The following CNTN5 variants were observed in gnomAD, a reference collection of about 807,000 sequenced individuals.
The protein encoded by CNTN5 is contactin 5.
CNTN5 carries 77 observed loss-of-function variants against 129.1 expected under a neutral mutation model. That is an observed-to-expected ratio of 0.60 (90% CI 0.50 to 0.72). The LOEUF is 0.72. CNTN5 is among the 30% of genes least tolerant of loss of function. The probability of loss-of-function intolerance (pLI) is 0.00; values close to 1 mark genes in which losing one functional copy is unlikely to be tolerated. For synonymous variants in CNTN5, 509 were observed against 465.6 expected (o/e 1.09, Z -1.20); for missense variants, 1,478 against 1,328.8 (o/e 1.11, Z -1.75).
chr11:99,304,491 G>A (rs1864785811), intron 1 of CNTN5, among the ~76,000 whole-genome samples: 1 of 152,088 alleles, frequency 6.6e-6, no homozygotes, highest in Non-Finnish European at 1.5e-5. Context: ...CAAACTCCTT[G>A]CAAAAATGTT....
At chr11:99,576,871 C>A (rs536310156) in intron 3 of CNTN5, among the ~76,000 whole-genome samples, 1 of 152,176 alleles carries the variant, frequency 6.6e-6, no homozygotes, top group African/African-American at 2.4e-5. Flanking sequence ...ATCACCTCCC[C>A]AAAGTTCTCA....
chr11:99,976,593 G>T (rs1444853899), intron 8 of CNTN5, among the ~76,000 whole-genome samples: 1 of 152,192 alleles, frequency 6.6e-6, no homozygotes, highest in African/African-American at 2.4e-5. Flanking sequence ...AACCACCAAG[G>T]CTTGGGGCTT....
chr11:99,282,080 C>T (rs1863723689), intron 1 of CNTN5, among the ~76,000 whole-genome samples: 1 of 152,014 alleles, frequency 6.6e-6, no homozygotes, highest in African/African-American at 2.4e-5. Context: ...AACAGGTCCC[C>T]GTTGGTATTG....
chr11:100,308,979 G>A (rs1951413555), intron 21 of CNTN5: 1 of 984,954 alleles, frequency 1.0e-6, no homozygotes, highest in Non-Finnish European at 1.2e-6. Flanking sequence ...GCCTTATAAT[G>A]GTGAACATTT....
intron 3 of CNTN5, among the ~76,000 whole-genome samples, chr11:99,655,226 T>C (rs1591431115): frequency 6.6e-6 from 1 of 152,088 alleles, no homozygotes; most frequent in African/African-American, 2.4e-5. Flanking sequence ...AAATCAATTA[T>C]TAAACAGTCT....
intron 2 of CNTN5, among the ~76,000 whole-genome samples, chr11:99,419,197 C>CTG (rs1942785418): frequency 6.6e-6 from 1 of 152,102 alleles, no homozygotes; most frequent in Non-Finnish European, 1.5e-5. Context: ...TACCTGAGCA[C>CTG]AACAGCACTG....
chr11:99,400,726 T>A (rs1033745442), intron 2 of CNTN5, among the ~76,000 whole-genome samples: 40 of 152,134 alleles, frequency 2.6e-4, no homozygotes, highest in Admixed American at 2.6e-4. Context: ...TTTCTCCACA[T>A]CCTCACCAGC....
rs889322330 is a variant in CNTN5, at chr11:99,678,967, CTA to C, written c.55+122711_55+122712del. The stretch of plus-strand genomic sequence containing the variant: ...TATCTGCTATTCACTCTCTCTCTCT[CTA>C]TATATATATATAAAATTCCATAAAT... On this transcript the variant is annotated intron_variant, in intron 3 of 24. Coordinates refer to ENST00000524871, the MANE Select transcript of CNTN5 (RefSeq NM_014361.4). Among the ~76,000 whole-genome samples the C allele has an allele frequency of 1.6e-3, 231 of 144,396 alleles. 1 individual carries two copies. Among genetic ancestry groups the C allele is most frequent in the African/African-American group, 4.7e-3 (184 of 38,990 alleles). The allele number at this position is 144,396 out of a possible 152,430, so 94.7% of individuals were successfully genotyped here. A position where few individuals can be genotyped will look rare whatever the true frequency, so the allele number is the denominator to read the frequency against.
intron 3 of CNTN5, among the ~76,000 whole-genome samples, chr11:99,804,545 C>T (rs1190512331): frequency 2.1e-5 from 3 of 144,268 alleles, no homozygotes; most frequent in African/African-American, 4.9e-5. Flanking sequence ...AAAAAAAAAA[C>T]TCAGTAAAGT....
At chr11:99,035,594 C>T (rs1591080723) in intron 1 of CNTN5, among the ~76,000 whole-genome samples, 2 of 145,536 alleles carry the variant, frequency 1.4e-5, no homozygotes, top group East Asian at 4.4e-4. Flanking sequence ...GATTGCAACC[C>T]CTGCCTTTTT....
At chr11:99,596,792 C>T (rs1347477392) in intron 3 of CNTN5, among the ~76,000 whole-genome samples, 1 of 152,096 alleles carries the variant, frequency 6.6e-6, no homozygotes, top group Non-Finnish European at 1.5e-5. Flanking sequence ...GGCTATAAAA[C>T]TAAAGATGTC....
rs34146715 is a variant in CNTN5 at position 99,450,768 on chromosome 11, G to GTT, written c.-70-105356_-70-105355dup. ...GATAGGTGCTCTTGCATTGAAGCAAGTTTTTTTTTTTTTTTTTTTTTTGCT... is the reference window on the plus strand; with the variant it reads ...GATAGGTGCTCTTGCATTGAAGCAAGTTTTTTTTTTTTTTTTTTTTTTTTGCT... On this transcript the variant is annotated intron_variant, in intron 2 of 24. Coordinates refer to ENST00000524871, the MANE Select transcript of CNTN5 (RefSeq NM_014361.4). 6.2e-3 allele frequency among the ~76,000 whole-genome samples: 647 copies of GTT among 104,976 alleles called. 21 individuals are homozygous for GTT. The highest frequency in any genetic ancestry group is 0.019 in the African/African-American group (528 of 28,144). 68.9% of individuals were successfully genotyped at this position (104,976 alleles called of 152,430 possible). A position where few individuals can be genotyped will look rare whatever the true frequency, so the allele number is the denominator to read the frequency against.
rs528355762 is a variant in CNTN5, at chr11:99,570,002, G to GA, written c.55+13740dup. 2.6e-5 allele frequency among the ~76,000 whole-genome samples: 4 copies of GA among 151,504 alleles called. No individual in the cohort carries two copies. In the East Asian group the frequency reaches 7.8e-4, roughly 29 times the overall value. On this transcript the variant is annotated intron_variant, in intron 3 of 24. Transcript: ENST00000524871. Reference sequence around the variant, plus strand: ...CTAAAGGCAAAAGAAAGAAAGTAAAGAAAAAAACAAAGAAGGTAAGATATT... The same window carrying GA: ...CTAAAGGCAAAAGAAAGAAAGTAAAGAAAAAAAACAAAGAAGGTAAGATATT...
intron 1 of CNTN5, among the ~76,000 whole-genome samples, chr11:99,034,945 G>T (rs1863632033): frequency 6.6e-6 from 1 of 151,004 alleles, no homozygotes; most frequent in South Asian, 2.1e-4. Flanking sequence ...CTTTGAATGT[G>T]TCCCAGAGAT....
intron 3 of CNTN5, among the ~76,000 whole-genome samples, chr11:99,649,030 A>C (rs1364899386): frequency 6.6e-6 from 1 of 151,844 alleles, no homozygotes; most frequent in South Asian, 2.1e-4. Context: ...AATACCAAAT[A>C]TTTTCAATAA....
At chr11:99,696,612 A>G (rs996928892) in intron 3 of CNTN5, among the ~76,000 whole-genome samples, 1 of 151,436 alleles carries the variant, frequency 6.6e-6, no homozygotes, top group African/African-American at 2.4e-5. Flanking sequence ...TACAAGTACC[A>G]TCAGTAGTCA....
chr11:100,091,160 C>T (rs766254836), intron 13 of CNTN5, among the ~76,000 whole-genome samples: 7 of 152,056 alleles, frequency 4.6e-5, no homozygotes, highest in African/African-American at 9.7e-5. Flanking sequence ...ACTCCCTGTT[C>T]GGTGCATGCA....
intron 7 of CNTN5, among the ~76,000 whole-genome samples, chr11:99,940,685 T>C (rs1179883260): frequency 1.3e-5 from 2 of 152,172 alleles, no homozygotes; most frequent in Admixed American, 6.6e-5. Context: ...TGTTGTGTTT[T>C]AAAATTTTGG....
At chr11:100,124,901 A>G (rs1004077550) in intron 13 of CNTN5, among the ~76,000 whole-genome samples, 2 of 152,130 alleles carry the variant, frequency 1.3e-5, no homozygotes, top group Admixed American at 6.6e-5. Context: ...CTTTAAGCCA[A>G]TGGTTCTCAA....
Sources: gnomAD v4.1 joint callset for allele counts (sites outside exome capture counted in the v4.1 genomes callset) on GRCh38, gnomAD v4.1.1 for gene constraint, MANE v1.5 for transcripts, NCBI Gene and HGNC (gene_info 2026-07-23, HGNC 2026-07-21) for gene names.